Variants in FAM227B observed in about 807,000 individuals in gnomAD.
FAM227B encodes the protein family with sequence similarity 227 member B.
In FAM227B, 88 loss-of-function variants were observed where a neutral mutation model predicts 73.8. The ratio of observed to expected loss-of-function variants is 1.19; its 90% CI spans 1.00 to 1.42. The LOEUF (loss-of-function observed/expected upper bound fraction) is 1.42, where lower values mean the gene tolerates loss of function less well. Among genes scored for constraint, FAM227B ranks in the 40% most tolerant of loss-of-function variants. The probability of loss-of-function intolerance (pLI) is 0.00; values close to 1 mark genes in which losing one functional copy is unlikely to be tolerated. For missense variants in FAM227B, 632 were observed against 590.9 expected (o/e 1.07, Z -0.72); for synonymous variants, 210 against 190.5 (o/e 1.10, Z -0.84).
chr15:49,334,580 G>A lies in FAM227B; in HGVS notation c.1349+839C>T, dbSNP rs185097496. Among the ~76,000 whole-genome samples, 965 of 152,250 alleles carry A rather than the reference G, an allele frequency of 6.3e-3. 15 individuals are homozygous for A. The highest frequency in any genetic ancestry group is 0.022 in the African/African-American group (911 of 41,554). ...CCATCCGTTTTTCCCACTAAGCACA[G>A]GAAGTCTAAGGGATATGTGTGTGTG... On this transcript the variant is annotated intron_variant, in intron 14 of 15. Coordinates refer to ENST00000299338, the MANE Select transcript of FAM227B (RefSeq NM_152647.3).
chr15:49,471,946 A>C (rs1217422309), intron 11 of FAM227B, among the ~76,000 whole-genome samples: 1 of 152,132 alleles, frequency 6.6e-6, no homozygotes, highest in African/African-American at 2.4e-5. Context: ...GTTCTGGATA[A>C]GAAAGTGAAA....
intron 11 of FAM227B, among the ~76,000 whole-genome samples, chr15:49,469,847 T>C (rs1439943925): frequency 6.6e-6 from 1 of 152,078 alleles, no homozygotes; most frequent in Non-Finnish European, 1.5e-5. Flanking sequence ...TTTTTACGAC[T>C]CTAAGAAGTC....
In FAM227B at chr15:49,583,201, G is replaced by GTT. The variant is rs202243987; in HGVS notation, c.405+4813_405+4814dup. Among the ~76,000 whole-genome samples the GTT allele has an allele frequency of 1.7e-4, 24 of 142,916 alleles. No individual in the cohort carries two copies. In the South Asian group the frequency reaches 4.0e-3, roughly 24 times the overall value. 93.8% of individuals were successfully genotyped at this position (142,916 alleles called of 152,430 possible). On this transcript the variant is annotated intron_variant, in intron 5 of 15. Transcript: ENST00000299338. ...CAAATCCAGGACAACTCCCGTATTT[G>GTT]TTTTTTTTTTTAATTAACAAAATAG...
intron 11 of FAM227B, among the ~76,000 whole-genome samples, chr15:49,465,707 A>G (rs570626699): frequency 1.8e-4 from 28 of 152,182 alleles, no homozygotes; most frequent in Non-Finnish European, 3.7e-4. Flanking sequence ...TTAACCAAGG[A>G]ATTTTGTGCT....
intron 9 of FAM227B, 134 bp downstream of exon 9, chr15:49,568,111 T>A (rs2074801421): frequency 2.9e-6 from 2 of 691,770 alleles, no homozygotes; most frequent in Non-Finnish European, 4.7e-6. Context: ...TTCAAAATAT[T>A]ACTAATACTC....
At chr15:49,495,037 T>C (rs751499841) in intron 11 of FAM227B, among the ~76,000 whole-genome samples, 1 of 152,192 alleles carries the variant, frequency 6.6e-6, no homozygotes, top group Non-Finnish European at 1.5e-5. Context: ...TTCAAAGTCT[T>C]ATCATTCACT....
intron 13 of FAM227B, among the ~76,000 whole-genome samples, chr15:49,347,984 A>G (rs2041754123): frequency 7.1e-6 from 1 of 140,044 alleles, no homozygotes; most frequent in African/African-American, 2.7e-5. Flanking sequence ...GCACCATTGC[A>G]CTCCAGCCTG....
intron 11 of FAM227B, among the ~76,000 whole-genome samples, chr15:49,374,885 A>G (rs1025663957): frequency 9.2e-5 from 14 of 152,124 alleles, no homozygotes; most frequent in Admixed American, 1.3e-4. Context: ...GTATTTTCTG[A>G]TCATGCTTCT....
intron 11 of FAM227B, among the ~76,000 whole-genome samples, chr15:49,410,984 G>C (rs930308401): frequency 7.3e-6 from 1 of 137,230 alleles, no homozygotes; most frequent in East Asian, 2.3e-4. Context: ...GTGTGTGTAT[G>C]TGTGTGTGTG....
rs560435823 is a variant in FAM227B, at chr15:49,351,056, G to A, written c.1272-15560C>T. ...CCTACTCAACCATACGCTGTGGTTT[G>A]AGCTCTACAATCAATGAATTTTTCT... is the stretch of plus-strand genomic sequence containing the variant. On this transcript the variant is annotated intron_variant, in intron 13 of 15. Transcript: ENST00000299338. Among the ~76,000 whole-genome samples, 3 of 152,292 alleles carry A rather than the reference G, an allele frequency of 2.0e-5. No homozygotes were observed. The South Asian group carries it at 6.2e-4, about 32-fold the overall frequency.
At chr15:49,521,902 A>G (rs1454726268) in intron 10 of FAM227B, among the ~76,000 whole-genome samples, 1 of 151,662 alleles carries the variant, frequency 6.6e-6, no homozygotes, top group African/African-American at 2.4e-5. Flanking sequence ...TCAACCATGA[A>G]CTCCCTCCAC....
chr15:49,330,556 G>GCC (rs1240602061), intron 15 of FAM227B: 1 of 152,088 alleles, frequency 6.6e-6, no homozygotes, highest in Non-Finnish European at 1.5e-5. Context: ...GTTAGATGAG[G>GCC]CATGGCTATC....
intron 11 of FAM227B, among the ~76,000 whole-genome samples, chr15:49,482,515 T>TG (rs2056045365): frequency 6.6e-6 from 1 of 152,112 alleles, no homozygotes; most frequent in Non-Finnish European, 1.5e-5. Context: ...CATTTACACT[T>TG]GCTTTAATTA....
chr15:49,349,969 T>C (rs1185041701), intron 13 of FAM227B, among the ~76,000 whole-genome samples: 1 of 152,180 alleles, frequency 6.6e-6, no homozygotes, highest in Non-Finnish European at 1.5e-5. Context: ...GAAATTAACT[T>C]TGTTGGTAAC....
chr15:49,462,789 G>C (rs558301526), intron 11 of FAM227B, among the ~76,000 whole-genome samples: 45 of 152,258 alleles, frequency 3.0e-4, no homozygotes, highest in African/African-American at 9.4e-4. Context: ...GCTTAGACTA[G>C]TGAAGACTTT....
chr15:49,587,254 C>G (rs2076222460), intron 5 of FAM227B, among the ~76,000 whole-genome samples: 2 of 152,136 alleles, frequency 1.3e-5, no homozygotes, highest in African/African-American at 4.8e-5. Flanking sequence ...ACTGCATGTT[C>G]TCACTTTTAA....
At chr15:49,449,018 T>A (rs574334304) in intron 11 of FAM227B, among the ~76,000 whole-genome samples, 80 of 151,960 alleles carry the variant, frequency 5.3e-4, no homozygotes, top group African/African-American at 1.9e-3. Context: ...ATAGGAGAAA[T>A]AACATTCTTT....
At chr15:49,471,354 C>T (rs2054729757) in intron 11 of FAM227B, among the ~76,000 whole-genome samples, 1 of 151,698 alleles carries the variant, frequency 6.6e-6, no homozygotes, top group Non-Finnish European at 1.5e-5. Flanking sequence ...TGTGGTGGCA[C>T]AACCTGTAAT....
At chr15:49,609,577 T>C (rs1210131282) in intron 3 of FAM227B, among the ~76,000 whole-genome samples, 1 of 151,952 alleles carries the variant, frequency 6.6e-6, no homozygotes, top group Non-Finnish European at 1.5e-5. Flanking sequence ...CTTGTTTTTA[T>C]TCACTGATAT....
Sources: gnomAD v4.1 joint callset for allele counts (sites outside exome capture counted in the v4.1 genomes callset) on GRCh38, gnomAD v4.1.1 for gene constraint, MANE v1.5 for transcripts, NCBI Gene and HGNC (gene_info 2026-07-23, HGNC 2026-07-21) for gene names.